The following CTNNA3 variants were observed in gnomAD, a reference collection of about 807,000 sequenced individuals.
CTNNA3 encodes catenin alpha-3.
In CTNNA3, 76 loss-of-function variants were observed where a neutral mutation model predicts 95.7. That is an observed-to-expected ratio of 0.79 (90% CI 0.66 to 0.96). The LOEUF is 0.96. Ranked by LOEUF, CTNNA3 falls within the 40% of genes least tolerant of loss-of-function variation. The pLI, the probability that CTNNA3 is intolerant of heterozygous loss-of-function variation, is 0.00. For missense variants in CTNNA3, 1,191 were observed against 1,089.8 expected (o/e 1.09, Z -1.31); for synonymous variants, 431 against 374.4 (o/e 1.15, Z -1.74).
intron 13 of CTNNA3, among the ~76,000 whole-genome samples, chr10:66,178,664 A>G (rs922136547): frequency 1.3e-5 from 2 of 151,560 alleles, no homozygotes; most frequent in South Asian, 2.1e-4. Flanking sequence ...TAAAAACCAC[A>G]ACATCAACAA....
intron 5 of CTNNA3, among the ~76,000 whole-genome samples, chr10:67,251,949 C>A (rs1263856242): frequency 1.3e-5 from 2 of 152,108 alleles, no homozygotes; most frequent in African/African-American, 4.8e-5. Flanking sequence ...GTGGCTCACA[C>A]CTGTAATCCC....
chr10:67,725,105 G>A (rs190517361), intron 1 of CTNNA3, among the ~76,000 whole-genome samples: 24 of 151,702 alleles, frequency 1.6e-4, no homozygotes, highest in Admixed American at 7.2e-4. Context: ...ATAAAACAAC[G>A]GATTCGTAGT....
chr10:67,574,721 C>G (rs1445783503), intron 3 of CTNNA3, among the ~76,000 whole-genome samples: 3 of 151,760 alleles, frequency 2.0e-5, no homozygotes, highest in Non-Finnish European at 4.4e-5. Context: ...GCTGGGACTA[C>G]AGGCACCCAC....
chr10:66,381,582 G>A (rs1194670530), intron 11 of CTNNA3, among the ~76,000 whole-genome samples: 2 of 152,138 alleles, frequency 1.3e-5, no homozygotes, highest in Admixed American at 1.3e-4. Context: ...ATGAATGAAT[G>A]AAGCTCTCTT....
chr10:66,949,203 T>C (rs1168166638), intron 7 of CTNNA3, among the ~76,000 whole-genome samples: 1 of 152,204 alleles, frequency 6.6e-6, no homozygotes, highest in African/African-American at 2.4e-5. Context: ...AAATCAATAA[T>C]AAATTTACTG....
chr10:66,444,456 T>C (rs1267921360), intron 11 of CTNNA3, among the ~76,000 whole-genome samples: 3 of 152,132 alleles, frequency 2.0e-5, no homozygotes, highest in African/African-American at 7.2e-5. Context: ...GGGAAAGCCA[T>C]CAGACTAACA....
At position 67,101,515 on chromosome 10, in the gene CTNNA3, G is replaced by A. The variant is rs1264889333; in HGVS notation, c.1047+78802C>T. Among the ~76,000 whole-genome samples, 7 of 151,454 alleles carry A rather than the reference G, an allele frequency of 4.6e-5. No homozygotes were observed. The South Asian group carries it at 1.0e-3, about 23-fold the overall frequency. On this transcript the variant is annotated intron_variant, in intron 7 of 17. Coordinates refer to ENST00000433211, the MANE Select transcript of CTNNA3 (RefSeq NM_013266.4). ...TTGATGTATAGAACCTAAAACATAT[G>A]CTAACTTGCAAATAATATATTTTAC...
intron 13 of CTNNA3, among the ~76,000 whole-genome samples, chr10:66,157,859 C>T (rs2084626064): frequency 6.6e-6 from 1 of 151,964 alleles, no homozygotes; most frequent in African/African-American, 2.4e-5. Context: ...GCCATTCTTG[C>T]AGGAGTAAGG....
intron 7 of CTNNA3, among the ~76,000 whole-genome samples, chr10:67,087,758 G>T (rs1857389486): frequency 6.6e-6 from 1 of 151,918 alleles, no homozygotes; most frequent in Non-Finnish European, 1.5e-5. Flanking sequence ...CAGTCATATA[G>T]TTCCTATAAA....
At chr10:67,364,121 T>C (rs1028455224) in intron 5 of CTNNA3, among the ~76,000 whole-genome samples, 6 of 152,154 alleles carry the variant, frequency 3.9e-5, no homozygotes, top group Non-Finnish European at 7.3e-5. Flanking sequence ...AAAAAGCTTA[T>C]CCACCATGAT....
chr10:67,121,224 A>G (rs1859448875), intron 7 of CTNNA3, among the ~76,000 whole-genome samples: 1 of 152,076 alleles, frequency 6.6e-6, no homozygotes, highest in Non-Finnish European at 1.5e-5. Flanking sequence ...TGACCAATCG[A>G]TGGATGAAAT....
In CTNNA3 at chr10:67,254,277, A is replaced by C. The variant is rs191613349; in HGVS notation, c.580-34407T>G. Among the ~76,000 whole-genome samples the C allele has an allele frequency of 2.0e-5, 3 of 152,276 alleles. No homozygotes were observed. The East Asian group carries it at 5.8e-4, about 29-fold the overall frequency. On this transcript the variant is annotated intron_variant, in intron 5 of 17. Coordinates refer to ENST00000433211, the MANE Select transcript of CTNNA3 (RefSeq NM_013266.4). ...TTAATTAGAAACATGAACAAATTGC[A>C]GCTAAGAAAAGCCCCCTAAAAAAAG...
At chr10:66,490,602 A>T (rs1226343214) in intron 11 of CTNNA3, among the ~76,000 whole-genome samples, 2 of 152,136 alleles carry the variant, frequency 1.3e-5, no homozygotes, top group African/African-American at 4.8e-5. Context: ...GCAACAGGAG[A>T]TTTGGGGAAC....
chr10:67,291,331 A>G (rs1055372077), intron 5 of CTNNA3, among the ~76,000 whole-genome samples: 1 of 152,072 alleles, frequency 6.6e-6, no homozygotes, highest in Non-Finnish European at 1.5e-5. Context: ...GTACATGGAC[A>G]CAGAAGAGAT....
At chr10:66,479,267 C>T (rs1005207270) in intron 11 of CTNNA3, among the ~76,000 whole-genome samples, 1 of 150,720 alleles carries the variant, frequency 6.6e-6, no homozygotes, top group African/African-American at 2.4e-5. Flanking sequence ...TCTATATCCT[C>T]AATTTGTATG....
chr10:67,425,333 T>C (rs1845883201), intron 5 of CTNNA3, among the ~76,000 whole-genome samples: 2 of 151,920 alleles, frequency 1.3e-5, no homozygotes, highest in African/African-American at 4.8e-5. Flanking sequence ...ACCTCTGTAA[T>C]AGAAGTATAC....
chr10:66,347,322 C>A (rs995295471), intron 12 of CTNNA3, among the ~76,000 whole-genome samples: 2 of 151,908 alleles, frequency 1.3e-5, no homozygotes, highest in African/African-American at 4.8e-5. Flanking sequence ...TTATTAAGAG[C>A]CAAACAGGCT....
chr10:66,346,165 T>G (rs905670076), intron 12 of CTNNA3, among the ~76,000 whole-genome samples: 7 of 149,566 alleles, frequency 4.7e-5, no homozygotes, highest in African/African-American at 1.7e-4. Context: ...ATCCTCCAAT[T>G]TGTTGTAATA....
chr10:66,302,834 G>C (rs982641404), intron 12 of CTNNA3, among the ~76,000 whole-genome samples: 15 of 151,884 alleles, frequency 9.9e-5, no homozygotes, highest in Non-Finnish European at 1.9e-4. Flanking sequence ...TTTTAGCAAG[G>C]CAAAATTCAT....
Sources: gnomAD v4.1 joint callset for allele counts (sites outside exome capture counted in the v4.1 genomes callset) on GRCh38, gnomAD v4.1.1 for gene constraint, MANE v1.5 for transcripts, NCBI Gene and HGNC (gene_info 2026-07-23, HGNC 2026-07-21) for gene names.